The following DIP2C variants were observed in gnomAD, a reference collection of about 807,000 sequenced individuals.
The protein encoded by DIP2C is DIP2 acetate--CoA ligase C (putative), also known as disco-interacting protein 2 homolog C.
DIP2C carries 33 observed loss-of-function variants against 192.4 expected under a neutral mutation model. That is an observed-to-expected ratio of 0.17 (90% CI 0.13 to 0.23). DIP2C has a LOEUF of 0.23. Ranked by LOEUF, DIP2C falls within the 10% of genes least tolerant of loss-of-function variation. DIP2C has a pLI of 1.00. For synonymous variants in DIP2C, 979 were observed against 864.1 expected, an observed-to-expected ratio of 1.13 and a Z score of -2.33; for missense variants, 1,537 against 2,110.1, an observed-to-expected ratio of 0.73 and a Z score of 5.32.
chr10:339,272 T>C (rs1564579595), intron 29 of DIP2C, among the ~76,000 whole-genome samples: 1 of 152,216 alleles, frequency 6.6e-6, no homozygotes, highest in African/African-American at 2.4e-5. Flanking sequence ...GGGATCTGTT[T>C]CTATAGAGAT....
intron 26 of DIP2C, among the ~76,000 whole-genome samples, chr10:347,485 C>CA (rs1958547748): frequency 9.5e-6 from 1 of 105,736 alleles, no homozygotes. Flanking sequence ...ACCCCACACT[C>CA]ACCCGGACAC....
chr10:530,167 G>A (rs1472252355), intron 1 of DIP2C, among the ~76,000 whole-genome samples: 1 of 152,246 alleles, frequency 6.6e-6, no homozygotes, highest in East Asian at 1.9e-4. Flanking sequence ...GGGCGACTTT[G>A]CTTCCCGTGA....
chr10:428,603 T>G (rs1396386810), intron 4 of DIP2C, among the ~76,000 whole-genome samples: 1 of 152,166 alleles, frequency 6.6e-6, no homozygotes, highest in Admixed American at 6.5e-5. Context: ...TTGACTATCA[T>G]GAACCTGGAT....
chr10:640,761 G>T (rs956188196), intron 1 of DIP2C, among the ~76,000 whole-genome samples: 17 of 148,846 alleles, frequency 1.1e-4, no homozygotes, highest in Non-Finnish European at 2.2e-4. Context: ...GTGGGCGCCG[G>T]GAAGAGGGTG....
At chr10:392,734 ACGCG>A (rs1488807062) in intron 10 of DIP2C, among the ~76,000 whole-genome samples, 19 of 94,520 alleles carry the variant, frequency 2.0e-4, no homozygotes, top group Non-Finnish European at 3.8e-4. Flanking sequence ...CCAGGTACAC[ACGCG>A]CACACACTCA....
At chr10:501,482 AAT>A (rs1395230861) in intron 1 of DIP2C, among the ~76,000 whole-genome samples, 4 of 152,164 alleles carry the variant, frequency 2.6e-5, no homozygotes, top group African/African-American at 4.8e-5. Context: ...TTTTTATAAT[AAT>A]ATGTTTATGA....
chr10:495,696 CA>C (rs1247016582), intron 1 of DIP2C, among the ~76,000 whole-genome samples: 2 of 152,152 alleles, frequency 1.3e-5, no homozygotes, highest in African/African-American at 4.8e-5. Flanking sequence ...TCAGCATTTA[CA>C]TAGAACCCAC....
At chr10:551,052 G>A (rs1160728441) in intron 1 of DIP2C, among the ~76,000 whole-genome samples, 3 of 151,204 alleles carry the variant, frequency 2.0e-5, no homozygotes, top group African/African-American at 7.3e-5. Flanking sequence ...CTGTGGCTCT[G>A]GTACATACCT....
At chr10:353,238 T>A (rs1304006940) in intron 24 of DIP2C, among the ~76,000 whole-genome samples, 1 of 152,064 alleles carries the variant, frequency 6.6e-6, no homozygotes, top group Non-Finnish European at 1.5e-5. Context: ...TTCTGTAAAC[T>A]TGGGACCATT....
chr10:613,791 T>C (rs1166731887), intron 1 of DIP2C, among the ~76,000 whole-genome samples: 2 of 152,044 alleles, frequency 1.3e-5, no homozygotes, highest in African/African-American at 4.8e-5. Flanking sequence ...CCTCCTGATC[T>C]CAACAGGTCT....
chr10:419,352 A>ACATC (rs1209498101), intron 5 of DIP2C, among the ~76,000 whole-genome samples, 153 bp from the exon 6 acceptor site: 1 of 152,230 alleles, frequency 6.6e-6, no homozygotes, highest in Non-Finnish European at 1.5e-5. Context: ...TCTGCCACAC[A>ACATC]CATCCAGCAC....
chr10:418,344 T>A (rs917227816), intron 6 of DIP2C, among the ~76,000 whole-genome samples: 1 of 152,024 alleles, frequency 6.6e-6, no homozygotes, highest in African/African-American at 2.4e-5. Flanking sequence ...GGGGCTCTGA[T>A]AGGCCTCCCT....
intron 10 of DIP2C, among the ~76,000 whole-genome samples, chr10:396,861 G>A (rs1483800561): frequency 3.3e-5 from 4 of 122,018 alleles, no homozygotes; most frequent in African/African-American, 8.6e-5. Flanking sequence ...ATCCGGTGGG[G>A]GGGAAACTGG....
intron 22 of DIP2C, among the ~76,000 whole-genome samples, chr10:361,658 G>A (rs1424583634): frequency 6.6e-6 from 1 of 152,144 alleles, no homozygotes; most frequent in African/African-American, 2.4e-5. Flanking sequence ...TTTACAATGA[G>A]GATACCCTGG....
intron 4 of DIP2C, among the ~76,000 whole-genome samples, chr10:424,949 C>G (rs1291222864): frequency 2.0e-5 from 3 of 151,862 alleles, no homozygotes; most frequent in African/African-American, 7.3e-5. Flanking sequence ...TAATATGACA[C>G]AGATGATACA....
chr10:421,995 G>T (rs1966219180), intron 5 of DIP2C, among the ~76,000 whole-genome samples: 1 of 152,186 alleles, frequency 6.6e-6, no homozygotes, highest in South Asian at 2.1e-4. Context: ...TGGGGTGTCT[G>T]TGGGCTATTT....
At chr10:487,460 C>G (rs1265383830) in intron 1 of DIP2C, among the ~76,000 whole-genome samples, 1 of 151,862 alleles carries the variant, frequency 6.6e-6, no homozygotes, top group Non-Finnish European at 1.5e-5. Context: ...CACCAACTCA[C>G]AGCTCATGAT....
chr10:506,802 G>A (rs993351557), intron 1 of DIP2C, among the ~76,000 whole-genome samples: 49 of 152,190 alleles, frequency 3.2e-4, no homozygotes, highest in Non-Finnish European at 1.5e-4. Flanking sequence ...CCCAGGAAAC[G>A]AGCCCCTCAC....
intron 1 of DIP2C, among the ~76,000 whole-genome samples, chr10:583,020 C>T (rs569017398): frequency 1.9e-4 from 29 of 152,298 alleles, no homozygotes; most frequent in African/African-American, 5.8e-4. Flanking sequence ...TAATACATGG[C>T]GATTTATGGC....
Sources: allele counts gnomAD v4.1 joint callset (sites outside exome capture counted in the v4.1 genomes callset), GRCh38; gene constraint gnomAD v4.1.1; transcripts MANE v1.5; gene names NCBI Gene and HGNC (gene_info 2026-07-23, HGNC 2026-07-21).